RBFOX3: variants seen among roughly 807,000 people sequenced by gnomAD.
The protein encoded by RBFOX3 is RNA binding fox-1 homolog 3.
A neutral mutation model predicts 48.7 loss-of-function variants in RBFOX3; 17 were observed. The observed-to-expected ratio is 0.35, with a 90% CI of 0.24 to 0.52. The LOEUF (loss-of-function observed/expected upper bound fraction) is 0.52, where lower values mean the gene tolerates loss of function less well. RBFOX3 is among the 20% of genes least tolerant of loss of function. The pLI is 0.94. For missense variants in RBFOX3, 382 were observed against 497.5 expected, an observed-to-expected ratio of 0.77 and a Z score of 2.21; for synonymous variants, 212 against 209.5, an observed-to-expected ratio of 1.01 and a Z score of -0.10.
At chr17:79,302,931 TG>T (rs1223143448) in intron 3 of RBFOX3, among the ~76,000 whole-genome samples, 3 of 152,228 alleles carry the variant, frequency 2.0e-5, no homozygotes, top group African/African-American at 7.2e-5. Flanking sequence ...CTATTTTGGC[TG>T]GAAGCTTACG....
chr17:79,177,564 G>A (rs186708642), intron 4 of RBFOX3, among the ~76,000 whole-genome samples: 110 of 152,260 alleles, frequency 7.2e-4, no homozygotes, highest in South Asian at 1.7e-3. Context: ...GGCCCATACC[G>A]GTTGGAGAGC....
chr17:79,620,546 CATGCACACATGT>C, the RBFOX3 span, among the ~76,000 whole-genome samples: 1 of 150,050 alleles, frequency 6.7e-6, no homozygotes, highest in Non-Finnish European at 1.5e-5. Context: ...TGCACACACG[CATGCACACATGT>C]GCACACCCGC....
chr17:79,150,041 T>TGGGGGTTGAGGGTGGGGGGGGGGGGG (rs1240167075), intron 4 of RBFOX3, among the ~76,000 whole-genome samples: 1 of 1,742 alleles, frequency 5.7e-4, no homozygotes, highest in Non-Finnish European at 1.4e-3. Flanking sequence ...GGGGTGGGGG[T>TGGGGGTTGAGGGTGGGGGGGGGGGGG]GGGGGATGGG....
At chr17:79,610,270 C>T (rs1381294149) in intron 1 of RBFOX3, among the ~76,000 whole-genome samples, 1 of 152,040 alleles carries the variant, frequency 6.6e-6, no homozygotes, top group Non-Finnish European at 1.5e-5. Context: ...GGGCTCTCTC[C>T]GGGCCTGGGT....
the RBFOX3 span, among the ~76,000 whole-genome samples, chr17:79,624,838 C>T: frequency 7.4e-6 from 1 of 135,698 alleles, no homozygotes; most frequent in African/African-American, 2.6e-5. Context: ...CCCCATCCCT[C>T]GAGGAGAACC....
intron 2 of RBFOX3, among the ~76,000 whole-genome samples, chr17:79,417,486 A>G (rs1258981970): frequency 2.0e-5 from 3 of 152,206 alleles, no homozygotes; most frequent in South Asian, 2.1e-4. Flanking sequence ...AACATGCCCA[A>G]CCAGGCAGGG....
At chr17:79,209,952 A>C (rs948207549) in intron 4 of RBFOX3, among the ~76,000 whole-genome samples, 1 of 150,074 alleles carries the variant, frequency 6.7e-6, no homozygotes, top group Non-Finnish European at 1.5e-5. Context: ...AGCCGAGATC[A>C]CGCCACTGCA....
chr17:79,208,276 A>G (rs1053417515), intron 4 of RBFOX3, among the ~76,000 whole-genome samples: 2 of 152,202 alleles, frequency 1.3e-5, no homozygotes, highest in Non-Finnish European at 2.9e-5. Flanking sequence ...CTGCCCAGCC[A>G]GGCTGTCTCT....
intron 2 of RBFOX3, among the ~76,000 whole-genome samples, chr17:79,438,384 G>GGATCTAA (rs2070058012): frequency 6.6e-6 from 1 of 152,072 alleles, no homozygotes; most frequent in Non-Finnish European, 1.5e-5. Flanking sequence ...AAGGATCAAG[G>GGATCTAA]AGGATCTGTA....
intron 4 of RBFOX3, among the ~76,000 whole-genome samples, chr17:79,152,541 G>A (rs1242568359): frequency 2.6e-5 from 4 of 152,198 alleles, no homozygotes; most frequent in South Asian, 2.1e-4. Flanking sequence ...TCTTCACCCC[G>A]CTTAACGCCC....
In RBFOX3 at chr17:79,301,546, C is replaced by T. The variant is rs529395112; in HGVS notation, c.-74+6178G>A. On this transcript the variant is annotated intron_variant, in intron 3 of 14. Transcript: ENST00000693108. ...CCACAGGCCAGTCTCACAGGCTCTGCCTTTATGTGGGAGAAAGCAGGGGAG... is the reference window on the plus strand; with the variant it reads ...CCACAGGCCAGTCTCACAGGCTCTGTCTTTATGTGGGAGAAAGCAGGGGAG... Among the ~76,000 whole-genome samples, 3 of 152,332 alleles carry T rather than the reference C, an allele frequency of 2.0e-5. No homozygotes were observed. The South Asian group carries it at 6.2e-4, about 32-fold the overall frequency.
In RBFOX3 at chr17:79,468,973, TGG is replaced by T. The variant is rs1555755385; in HGVS notation, c.-175+13479_-175+13480del. Among the ~76,000 whole-genome samples, 126 of 150,428 alleles carry T rather than the reference TGG, an allele frequency of 8.4e-4. 2 individuals are homozygous for T. Among genetic ancestry groups the T allele is most frequent in the African/African-American group, 1.3e-3 (53 of 40,792 alleles). On this transcript the variant is annotated intron_variant, in intron 2 of 14. Transcript: ENST00000693108. ...ATGGATGGATGGATGGATGGATGGA[TGG>T]ATGGATGGATGGATAGCAGATAGGC... is the stretch of plus-strand genomic sequence containing the variant.
Position 79,103,398 on chromosome 17 carries a change from C to G in RBFOX3, c.415-144G>C. The G allele has an allele frequency of 1.5e-6, 1 of 660,858 alleles. No individual in the cohort carries two copies. Among genetic ancestry groups the G allele is most frequent in the Non-Finnish European group, 2.7e-6 (1 of 368,562 alleles). The allele number at this position is 660,858 out of a possible 1,614,324, so 40.9% of individuals were successfully genotyped here. A position where few individuals can be genotyped will look rare whatever the true frequency, so the allele number is the denominator to read the frequency against. ...AGGGGTTGAGTCAGGTGAGTTGAGG[C>G]AGAGACGCAGGCAGCCCAGAGGTCT... On this transcript the variant is annotated intron_variant, in intron 7 of 14. Transcript: ENST00000693108. This position sits in a 1 kb window ranked among gnomAD's most constrained non-coding sequence, Gnocchi z 6.1.
At position 79,223,240 on chromosome 17, in the gene RBFOX3, GGT is replaced by G. The variant is rs570382229; in HGVS notation, c.-34+12524_-34+12525del. On this transcript the variant is annotated intron_variant, in intron 4 of 14. Coordinates refer to ENST00000693108, the MANE Select transcript of RBFOX3 (RefSeq NM_001350451.2). ...TGCCTGTGTATCTGTACACACACAC[GGT>G]CCCCCTACACACACACAGCTGCATA... 3.6e-3 allele frequency among the ~76,000 whole-genome samples: 553 copies of G among 152,108 alleles called. 5 individuals are homozygous for G. Among genetic ancestry groups the G allele is most frequent in the Non-Finnish European group, 4.7e-3 (322 of 67,988 alleles).
chr17:79,250,912 A>C (rs2063848119), intron 3 of RBFOX3, among the ~76,000 whole-genome samples: 2 of 150,576 alleles, frequency 1.3e-5, no homozygotes, highest in African/African-American at 4.9e-5. Flanking sequence ...TCTCCCAAGC[A>C]ATTCTCCTAC....
At chr17:79,511,830 C>T (rs150016909) in intron 1 of RBFOX3, among the ~76,000 whole-genome samples, 1,150 of 103,964 alleles carry the variant, frequency 0.011, 33 homozygotes, top group African/African-American at 0.041. Context: ...TCCGGATACA[C>T]GTTACCATCG....
At chr17:79,332,808 AAAAG>A (rs1353378714) in intron 2 of RBFOX3, among the ~76,000 whole-genome samples, 1 of 148,388 alleles carries the variant, frequency 6.7e-6, no homozygotes, top group African/African-American at 2.5e-5. Flanking sequence ...GCCAGAGAGA[AAAAG>A]AGAGACAGAG....
intron 2 of RBFOX3, among the ~76,000 whole-genome samples, chr17:79,434,517 G>T (rs1024232865): frequency 4.6e-5 from 7 of 152,072 alleles, no homozygotes; most frequent in African/African-American, 1.7e-4. Flanking sequence ...AAGCGAGTTG[G>T]GATTCTCTTT....
At position 79,130,319 on chromosome 17, in the gene RBFOX3, A is replaced by G. The variant is rs370120381; in HGVS notation, c.-33-14571T>C. Among the ~76,000 whole-genome samples the G allele has an allele frequency of 1.3e-3, 196 of 152,122 alleles. 2 individuals are homozygous for G. Among genetic ancestry groups the G allele is most frequent in the African/African-American group, 4.4e-3 (183 of 41,494 alleles). On this transcript the variant is annotated intron_variant, in intron 4 of 14. Coordinates refer to ENST00000693108, the MANE Select transcript of RBFOX3 (RefSeq NM_001350451.2). ...TCAAGAGCCTGCCCCCGCCCCTCAG[A>G]CCTAGAGGGGCTTCAGGGATCATCC...
Sources: allele counts gnomAD v4.1 joint callset (sites outside exome capture counted in the v4.1 genomes callset), GRCh38; gene constraint gnomAD v4.1.1; non-coding constraint Gnocchi (gnomAD v3.1); transcripts MANE v1.5; gene names NCBI Gene and HGNC (gene_info 2026-07-23, HGNC 2026-07-21).